PRKG1: variants seen among roughly 807,000 people sequenced by gnomAD.
PRKG1 encodes the protein protein kinase cGMP-dependent 1.
Under a neutral mutation model 88.1 loss-of-function variants are expected in PRKG1, and 35 were observed. That is an observed-to-expected ratio of 0.40 (90% CI 0.30 to 0.53). PRKG1 has a LOEUF of 0.53. Ranked by LOEUF, PRKG1 falls within the 20% of genes least tolerant of loss-of-function variation. The pLI, the probability that PRKG1 is intolerant of heterozygous loss-of-function variation, is 0.59. For missense variants in PRKG1, 540 were observed against 839.8 expected, an observed-to-expected ratio of 0.64 and a Z score of 4.41; for synonymous variants, 303 against 292.5, an observed-to-expected ratio of 1.04 and a Z score of -0.37.
intron 7 of PRKG1, among the ~76,000 whole-genome samples, chr10:52,086,237 G>A (rs1564462939): frequency 6.6e-6 from 1 of 151,836 alleles, no homozygotes; most frequent in Non-Finnish European, 1.5e-5. Context: ...GAAACCAGTT[G>A]CATTCTTTTC....
chr10:51,400,294 G>A (rs1174928509), intron 2 of PRKG1, among the ~76,000 whole-genome samples: 2 of 152,132 alleles, frequency 1.3e-5, no homozygotes, highest in Non-Finnish European at 1.5e-5. Context: ...AAGAGCAATG[G>A]AGAAAATAAA....
chr10:51,065,821 G>T (rs1276916897), intron 1 of PRKG1, among the ~76,000 whole-genome samples: 5 of 152,056 alleles, frequency 3.3e-5, no homozygotes, highest in East Asian at 1.9e-4. Flanking sequence ...AATGGGAGAT[G>T]TATCTATCTA....
chr10:51,134,539 T>C (rs1198874701), intron 1 of PRKG1, among the ~76,000 whole-genome samples: 1 of 152,180 alleles, frequency 6.6e-6, no homozygotes, highest in East Asian at 1.9e-4. Flanking sequence ...AACTGCACCA[T>C]GAATGTGGAA....
chr10:52,082,364 A>G (rs760153411), intron 7 of PRKG1, among the ~76,000 whole-genome samples: 6 of 152,104 alleles, frequency 3.9e-5, no homozygotes, highest in Non-Finnish European at 8.8e-5. Context: ...CACTCTACCT[A>G]GAAGGCCCTT....
intron 9 of PRKG1, among the ~76,000 whole-genome samples, chr10:52,214,650 C>T (rs1267816369): frequency 6.6e-6 from 1 of 152,080 alleles, no homozygotes; most frequent in Non-Finnish European, 1.5e-5. Context: ...TCTTTAATAG[C>T]CCTATGAGAC....
At chr10:51,430,436 A>T (rs1054651800) in intron 2 of PRKG1, among the ~76,000 whole-genome samples, 5 of 152,102 alleles carry the variant, frequency 3.3e-5, no homozygotes, top group Admixed American at 6.5e-5. Flanking sequence ...ACAAAACAAA[A>T]CAAAAACAAA....
intron 7 of PRKG1, among the ~76,000 whole-genome samples, chr10:52,103,796 G>C (rs1194036333): frequency 6.6e-6 from 1 of 151,824 alleles, no homozygotes; most frequent in Non-Finnish European, 1.5e-5. Context: ...AAGCTTGAAA[G>C]CCTCATTGTT....
intron 4 of PRKG1, among the ~76,000 whole-genome samples, chr10:51,894,738 G>A (rs947621990): frequency 3.3e-5 from 5 of 152,190 alleles, no homozygotes; most frequent in Admixed American, 3.3e-4. Context: ...AAAGTTCATA[G>A]TTAGATATAG....
At chr10:51,446,206 A>G (rs979505582) in intron 2 of PRKG1, among the ~76,000 whole-genome samples, 8 of 151,978 alleles carry the variant, frequency 5.3e-5, no homozygotes, top group Non-Finnish European at 7.4e-5. Flanking sequence ...CAGTGTAATG[A>G]CGTACATCCT....
At chr10:51,568,482 C>G (rs943214843) in intron 3 of PRKG1, 1 of 151,910 alleles carries the variant, frequency 6.6e-6, no homozygotes, top group African/African-American at 2.4e-5. Context: ...TCAAGAAGTC[C>G]TCCTGCCTTG....
chr10:51,124,727 A>G (rs922074814), intron 1 of PRKG1, among the ~76,000 whole-genome samples: 1 of 152,180 alleles, frequency 6.6e-6, no homozygotes, highest in South Asian at 2.1e-4. Flanking sequence ...TTGTTCTATA[A>G]TCCTTTTGTT....
At chr10:51,943,510 G>T (rs1000706270) in intron 5 of PRKG1, among the ~76,000 whole-genome samples, 1 of 152,072 alleles carries the variant, frequency 6.6e-6, no homozygotes. Context: ...AGTGGTGAGA[G>T]AGGGCATCCC....
chr10:51,408,835 A>G (rs1029419929), intron 2 of PRKG1, among the ~76,000 whole-genome samples: 2 of 152,180 alleles, frequency 1.3e-5, no homozygotes, highest in Admixed American at 1.3e-4. Context: ...CCACTTGATT[A>G]TTAAAATCCT....
intron 3 of PRKG1, among the ~76,000 whole-genome samples, chr10:51,482,384 A>G (rs1840388209): frequency 6.6e-6 from 1 of 152,206 alleles, no homozygotes; most frequent in Non-Finnish European, 1.5e-5. Flanking sequence ...AAGGTAGGTG[A>G]AAAGGAACAG....
intron 8 of PRKG1, among the ~76,000 whole-genome samples, chr10:52,155,732 G>GACACACACACACACACACACACAC (rs146109771): frequency 1.4e-5 from 2 of 147,788 alleles, no homozygotes; most frequent in African/African-American, 2.5e-5. Flanking sequence ...ATTGCCATTG[G>GACACACACACACACACACACACAC]ACACACACAC....
At chr10:52,293,773 A>G (rs770122008) in intron 17 of PRKG1, 29 bp from the exon 18 acceptor site, 44 of 1,567,602 alleles carry the variant, frequency 2.8e-5, no homozygotes, top group Non-Finnish European at 3.8e-5. Context: ...AAAAAAATCC[A>G]CTAAAAAAAA....
intron 9 of PRKG1, among the ~76,000 whole-genome samples, chr10:52,194,637 C>G (rs1161421222): frequency 3.9e-5 from 6 of 151,960 alleles, no homozygotes; most frequent in African/African-American, 1.4e-4. Context: ...AAGCTAAATA[C>G]CAGAACAGTG....
chr10:51,722,335 A>ACAAT (rs986098411), intron 3 of PRKG1, among the ~76,000 whole-genome samples: 3 of 152,076 alleles, frequency 2.0e-5, no homozygotes, highest in African/African-American at 7.2e-5. Flanking sequence ...TAAACTGTGG[A>ACAAT]CAATTTACCT....
At chr10:51,763,572 G>A (rs1218771724) in intron 3 of PRKG1, among the ~76,000 whole-genome samples, 3 of 142,472 alleles carry the variant, frequency 2.1e-5, no homozygotes, top group Admixed American at 7.1e-5. Context: ...ATTTTAAAAC[G>A]ATGTAAAATT....
Sources: gnomAD v4.1 joint callset for allele counts (sites outside exome capture counted in the v4.1 genomes callset) on GRCh38, gnomAD v4.1.1 for gene constraint, MANE v1.5 for transcripts, NCBI Gene and HGNC (gene_info 2026-07-23, HGNC 2026-07-21) for gene names.